SNRPB2: variants seen among roughly 807,000 people sequenced by gnomAD.
The protein encoded by SNRPB2 is small nuclear ribonucleoprotein polypeptide B2, also known as U2 small nuclear ribonucleoprotein B''.
In SNRPB2, 16 loss-of-function variants were observed where a neutral mutation model predicts 26.3. That is an observed-to-expected ratio of 0.61 (90% CI 0.41 to 0.92). The LOEUF is 0.92. Among genes scored for constraint, SNRPB2 ranks in the 40% least tolerant of loss-of-function variants. The pLI, the probability that SNRPB2 is intolerant of heterozygous loss-of-function variation, is 0.00. For missense variants in SNRPB2, 179 were observed against 268.1 expected (o/e 0.67, Z 2.32); for synonymous variants, 75 against 89.0 (o/e 0.84, Z 0.88).
At position 16,741,809 on chromosome 20, in the gene SNRPB2, A is replaced by G. The variant is rs762261762; in HGVS notation, c.*804A>G. The G allele has an allele frequency of 6.6e-6, 1 of 152,182 alleles. No homozygotes were observed. Among genetic ancestry groups the G allele is most frequent in the African/African-American group, 2.4e-5 (1 of 41,436 alleles). The allele number at this position is 152,182 out of a possible 1,614,324, so 9.4% of individuals were successfully genotyped here. On this transcript the variant is annotated 3_prime_UTR_variant, in exon 7 of 7. Coordinates refer to ENST00000246071, the MANE Select transcript of SNRPB2 (RefSeq NM_003092.5). The stretch of plus-strand genomic sequence containing the variant: ...ACTTCTTTGTAATTCTTAAACACCA[A>G]TGTTCAAATATTTCCAAAGCCCATT...
At chr20:16,736,637 G>A (rs2072427872) in intron 3 of SNRPB2, among the ~76,000 whole-genome samples, 1 of 152,120 alleles carries the variant, frequency 6.6e-6, no homozygotes, top group African/African-American at 2.4e-5. Context: ...AACAGGATTA[G>A]TCTAGAATGG....
chr20:16,737,526 GT>G, intron 4 of SNRPB2, 125 bp downstream of exon 4: 2 of 778,680 alleles, frequency 2.6e-6, no homozygotes, highest in Non-Finnish European at 3.8e-6. Flanking sequence ...TTAAAAGGTG[GT>G]TTTAAGAAGC....
In SNRPB2 at chr20:16,740,410, A is replaced by G; in HGVS notation, c.515A>G (p.Asn172Ser). 1 of 1,611,206 alleles carries G rather than the reference A, an allele frequency of 6.2e-7. No individual in the cohort carries two copies. Among genetic ancestry groups the G allele is most frequent in the Non-Finnish European group, 8.5e-7 (1 of 1,178,640 alleles). Residue 172 changes from asparagine (N) to serine (S), a missense_variant, in exon 6 of 7, where the codon AAT becomes AGT. By Grantham distance (46) the Asn-to-Ser change is conservative. Transcript: ENST00000246071. The stretch of plus-strand genomic sequence containing the variant: ...GAGATGATGTTATCCATGCTGTTTA[A>G]TCAGTAAGTTTTTTCATAAATAAGT... ...TNEMMLSMLF[N>S]QFPGFKEVRL... is the part of the protein sequence containing the mutation.
chr20:16,734,543 A>T (rs1449370840), intron 3 of SNRPB2, among the ~76,000 whole-genome samples: 1 of 152,144 alleles, frequency 6.6e-6, no homozygotes, highest in Non-Finnish European at 1.5e-5. Context: ...CCCTTCTCTA[A>T]GTTGTGGTTA....
At chr20:16,738,817 TG>T in intron 4 of SNRPB2, 34 bp from the exon 5 acceptor site, 2 of 1,267,014 alleles carry the variant, frequency 1.6e-6, no homozygotes, top group Non-Finnish European at 2.3e-6. Context: ...TTGGAGGGAT[TG>T]GATATTTAAA....
chr20:16,740,499 C>G (rs1281043306), intron 6 of SNRPB2, 86 bp downstream of exon 6: 13 of 1,558,546 alleles, frequency 8.3e-6, no homozygotes, highest in Admixed American at 4.0e-5. Flanking sequence ...ATTTATCACA[C>G]AGCAGTAATT....
intron 2 of SNRPB2, 76 bp from the exon 3 acceptor site, chr20:16,732,088 C>G: frequency 1.2e-6 from 1 of 851,372 alleles, no homozygotes; most frequent in South Asian, 1.6e-5. Flanking sequence ...GGGGGCAACT[C>G]AATGCAGTAT....
chr20:16,732,541 G>A, intron 3 of SNRPB2: 5 of 375,578 alleles, frequency 1.3e-5, no homozygotes, highest in Non-Finnish European at 2.4e-5. Flanking sequence ...ACATTGAGAT[G>A]TAGAATATTT....
intron 3 of SNRPB2, among the ~76,000 whole-genome samples, chr20:16,734,887 A>G (rs920396767): frequency 3.9e-5 from 6 of 152,360 alleles, no homozygotes; most frequent in African/African-American, 1.4e-4. Flanking sequence ...AGATCTATTC[A>G]GGTCAGGCAC....
chr20:16,733,094 G>A (rs1012082530), intron 3 of SNRPB2, among the ~76,000 whole-genome samples: 1 of 152,198 alleles, frequency 6.6e-6, no homozygotes, highest in Admixed American at 6.5e-5. Flanking sequence ...GTGAAGGAGT[G>A]TTGGACAGAG....
Position 16,741,832 on chromosome 20 carries a change from A to T in SNRPB2, c.*827A>T, listed in dbSNP as rs974989443. 6.6e-6 allele frequency: 1 copy of T among 152,038 alleles called. No individual in the cohort carries two copies. The highest frequency in any genetic ancestry group is 2.4e-5 in the African/African-American group (1 of 41,392). 9.4% of individuals were successfully genotyped at this position (152,038 alleles called of 1,614,324 possible). On this transcript the variant is annotated 3_prime_UTR_variant, in exon 7 of 7. Coordinates refer to ENST00000246071, the MANE Select transcript of SNRPB2 (RefSeq NM_003092.5). ...CAATGTTCAAATATTTCCAAAGCCCATTTTCTTTAGCTTTTGATTTATGTT... is the reference window on the plus strand; with the variant it reads ...CAATGTTCAAATATTTCCAAAGCCCTTTTTCTTTAGCTTTTGATTTATGTT...
chr20:16,740,841 T>TATAGGTTCCC lies in SNRPB2; in HGVS notation c.519-4_524dup. ...GTATACATGAATTGTTTTTCTTCTT[T>TATAGGTTCCC]ATAGGTTCCCTGGCTTCAAGGAAGT... On this transcript the variant is annotated splice_region_variant and splice_polypyrimidine_tract_variant and intron_variant, in intron 6 of 6. Transcript: ENST00000246071. 6.2e-7 allele frequency: 1 copy of TATAGGTTCCC among 1,605,476 alleles called. No homozygotes were observed. The highest frequency in any genetic ancestry group is 1.8e-4 in the Middle Eastern group (1 of 5,640).
In SNRPB2 at chr20:16,732,286, A is replaced by G. The variant is rs1377086435; in HGVS notation, c.187A>G (p.Thr63Ala). 1 of 1,603,070 alleles carries G rather than the reference A, an allele frequency of 6.2e-7. No individual in the cohort carries two copies. Among genetic ancestry groups the G allele is most frequent in the Non-Finnish European group, 8.5e-7 (1 of 1,174,890 alleles). The change falls in exon 3 of 7, where the codon ACA becomes GCA. Residue 63 changes from threonine (T) to alanine (A), a missense_variant. By Grantham distance (58) the Thr-to-Ala change is moderately conservative. This residue lies in a region of SNRPB2 where 145 missense variants were observed against 180.7 expected (regional missense o/e 0.80). Coordinates refer to ENST00000246071, the MANE Select transcript of SNRPB2 (RefSeq NM_003092.5). Reference sequence around the variant, plus strand: ...CATATTTAAGGAACTGGGCTCATCCACAAATGCCTTGAGACAGCTACAAGG... The same window carrying G: ...CATATTTAAGGAACTGGGCTCATCCGCAAATGCCTTGAGACAGCTACAAGG... ...FVIFKELGSSTNALRQLQGFP... is the reference protein window; with the variant it reads ...FVIFKELGSSANALRQLQGFP...
At chr20:16,731,857 A>G in intron 2 of SNRPB2, 91 bp downstream of exon 2, 4 of 1,559,848 alleles carry the variant, frequency 2.6e-6, no homozygotes, top group Non-Finnish European at 3.5e-6. Flanking sequence ...CTCTTACCTC[A>G]TCATCTTAGT....
chr20:16,737,415 A>G lies in SNRPB2; in HGVS notation c.378+14A>G. 6.4e-7 allele frequency: 1 copy of G among 1,571,924 alleles called. No homozygotes were observed. Among genetic ancestry groups the G allele is most frequent in the South Asian group, 1.2e-5 (1 of 82,672 alleles). Reference sequence around the variant, plus strand: ...AAGCCTGGCCAGGTAAGAAAGACCAAGAAAGTTCCTGTTTGTATTGGTGTT... The same window carrying G: ...AAGCCTGGCCAGGTAAGAAAGACCAGGAAAGTTCCTGTTTGTATTGGTGTT... On this transcript the variant is annotated intron_variant, in intron 4 of 6. Coordinates refer to ENST00000246071, the MANE Select transcript of SNRPB2 (RefSeq NM_003092.5).
intron 5 of SNRPB2, among the ~76,000 whole-genome samples, chr20:16,739,143 A>T (rs889632766): frequency 6.6e-6 from 1 of 152,198 alleles, no homozygotes; most frequent in African/African-American, 2.4e-5. Flanking sequence ...CAATGACAGA[A>T]TCAAAATGAC....
chr20:16,731,589 G>T, intron 1 of SNRPB2, 79 bp from the exon 2 acceptor site: 1 of 1,414,086 alleles, frequency 7.1e-7, no homozygotes, highest in Admixed American at 2.2e-5. Context: ...GATTGAAAGA[G>T]AAATGAAAAG....
intron 6 of SNRPB2, 23 bp downstream of exon 6, chr20:16,740,436 C>A: frequency 6.2e-7 from 1 of 1,608,434 alleles, no homozygotes; most frequent in South Asian, 1.1e-5. Flanking sequence ...ATAAATAAGT[C>A]TGTTTCTGAG....
rs1202452402 is a variant in SNRPB2, at chr20:16,742,427, G to C, written c.*1422G>C. 6.6e-6 allele frequency: 1 copy of C among 152,158 alleles called. No individual in the cohort carries two copies. Among genetic ancestry groups the C allele is most frequent in the Non-Finnish European group, 1.5e-5 (1 of 68,040 alleles). 9.4% of individuals were successfully genotyped at this position (152,158 alleles called of 1,614,324 possible). On this transcript the variant is annotated 3_prime_UTR_variant, in exon 7 of 7. Transcript: ENST00000246071. ...CTCACCTGGGGTGAGAATGAGGGGGGTGAATAGTAAGAGGGGTCGTGTAGG... is the reference window on the plus strand; with the variant it reads ...CTCACCTGGGGTGAGAATGAGGGGGCTGAATAGTAAGAGGGGTCGTGTAGG...
Sources: gnomAD v4.1 joint callset for allele counts (sites outside exome capture counted in the v4.1 genomes callset) on GRCh38, gnomAD v4.1.1 for gene constraint, gnomAD v4.1.1 regional missense constraint, MANE v1.5 for transcripts, NCBI Gene and HGNC (gene_info 2026-07-23, HGNC 2026-07-21) for gene names.